Variants in RPRD1A observed in about 807,000 individuals in gnomAD.
RPRD1A encodes the protein regulation of nuclear pre-mRNA domain containing 1A.
Under a neutral mutation model 37.8 loss-of-function variants are expected in RPRD1A, and 9 were observed. The observed-to-expected ratio is 0.24, with a 90% confidence interval of 0.14 to 0.42. The LOEUF (loss-of-function observed/expected upper bound fraction) is 0.42, where lower values mean the gene tolerates loss of function less well. Ranked by LOEUF, RPRD1A falls within the 10% of genes least tolerant of loss-of-function variation. RPRD1A has a pLI of 1.00. For missense variants in RPRD1A, 255 were observed against 371.0 expected, an observed-to-expected ratio of 0.69 and a Z score of 2.57; for synonymous variants, 138 against 139.7, an observed-to-expected ratio of 0.99 and a Z score of 0.08.
At chr18:36,060,760 T>C (rs1024044786) in intron 1 of RPRD1A, among the ~76,000 whole-genome samples, 1 of 152,200 alleles carries the variant, frequency 6.6e-6, no homozygotes, top group Non-Finnish European at 1.5e-5. Flanking sequence ...GAAAAAGTGA[T>C]GATTTCAACA....
intron 2 of RPRD1A, among the ~76,000 whole-genome samples, chr18:36,032,413 G>A (rs1243026533): frequency 4.6e-5 from 7 of 152,180 alleles, no homozygotes. Flanking sequence ...GTAGACTATA[G>A]ACTGTGTGGA....
chr18:36,060,486 A>T (rs2088887338), intron 1 of RPRD1A, among the ~76,000 whole-genome samples: 3 of 152,210 alleles, frequency 2.0e-5, no homozygotes, highest in Admixed American at 2.0e-4. Flanking sequence ...TTCTAAAACC[A>T]AATTAATAAG....
chr18:36,063,720 G>A (rs1288539567), intron 1 of RPRD1A, among the ~76,000 whole-genome samples: 1 of 152,158 alleles, frequency 6.6e-6, no homozygotes, highest in Non-Finnish European at 1.5e-5. Context: ...TAAACTACAG[G>A]AGATGAGAAT....
At chr18:36,038,513 G>C (rs1272028943) in intron 1 of RPRD1A, among the ~76,000 whole-genome samples, 2 of 152,254 alleles carry the variant, frequency 1.3e-5, no homozygotes, top group East Asian at 3.8e-4. Context: ...CCAGGCAAAA[G>C]TCTGTTGCAG....
At chr18:36,012,343 G>A (rs891776624) in intron 6 of RPRD1A, among the ~76,000 whole-genome samples, 4 of 152,052 alleles carry the variant, frequency 2.6e-5, no homozygotes, top group African/African-American at 9.7e-5. Flanking sequence ...CTTCGTTACC[G>A]GTTTATGTAT....
chr18:36,025,783 A>T, intron 6 of RPRD1A: 1 of 407,012 alleles, frequency 2.5e-6, no homozygotes, highest in South Asian at 2.4e-5. Flanking sequence ...TAAAACAATT[A>T]ACACTATGTT....
At chr18:36,031,215 T>C (rs1911765760) in intron 2 of RPRD1A, 118 bp from the exon 3 acceptor site, 1 of 1,247,872 alleles carries the variant, frequency 8.0e-7, no homozygotes, top group Non-Finnish European at 1.1e-6. Context: ...GAAAAAACTG[T>C]CCAAATGTCT....
At chr18:36,048,348 G>A (rs779857372) in intron 1 of RPRD1A, among the ~76,000 whole-genome samples, 2 of 152,078 alleles carry the variant, frequency 1.3e-5, no homozygotes, top group Non-Finnish European at 2.9e-5. Flanking sequence ...TTACAGGCGT[G>A]AGCCACCGCA....
At chr18:35,996,083 A>T (rs922563500) in intron 6 of RPRD1A, among the ~76,000 whole-genome samples, 37 of 152,204 alleles carry the variant, frequency 2.4e-4, no homozygotes, top group Non-Finnish European at 1.5e-5. Context: ...GGTAAAAATT[A>T]AGAAAATCTG....
At chr18:36,025,255 T>C (rs1190051918) in intron 6 of RPRD1A, 2 of 176,684 alleles carry the variant, frequency 1.1e-5, no homozygotes, top group Non-Finnish European at 2.4e-5. Context: ...TGTGCCTCAG[T>C]TCTGTATCTA....
intron 1 of RPRD1A, among the ~76,000 whole-genome samples, chr18:36,060,227 C>A (rs980015236): frequency 2.0e-5 from 3 of 152,054 alleles, no homozygotes; most frequent in Non-Finnish European, 4.4e-5. Flanking sequence ...GTCAGGAGAT[C>A]GAGACCATCC....
intron 1 of RPRD1A, among the ~76,000 whole-genome samples, chr18:36,038,234 G>A (rs1015694809): frequency 1.8e-4 from 27 of 152,300 alleles, no homozygotes; most frequent in African/African-American, 4.3e-4. Flanking sequence ...CCCAGAGGCC[G>A]AGGAGGAAAA....
intron 4 of RPRD1A, chr18:36,028,263 T>G (rs992449840): frequency 6.6e-6 from 1 of 151,930 alleles, no homozygotes. Flanking sequence ...GGGTAGCACA[T>G]GACAAATGAT....
At chr18:36,059,086 CATCT>C (rs1325711090) in intron 1 of RPRD1A, among the ~76,000 whole-genome samples, 1 of 152,062 alleles carries the variant, frequency 6.6e-6, no homozygotes, top group Admixed American at 6.6e-5. Context: ...CCAACATATA[CATCT>C]ATCAAAACAT....
At chr18:35,998,618 C>T (rs1332834399) in intron 6 of RPRD1A, among the ~76,000 whole-genome samples, 1 of 152,156 alleles carries the variant, frequency 6.6e-6, no homozygotes, top group Non-Finnish European at 1.5e-5. Context: ...TCAGTTTCTG[C>T]AGTTCCAGCT....
At chr18:36,019,691 C>T (rs1465111977) in intron 6 of RPRD1A, among the ~76,000 whole-genome samples, 2 of 152,232 alleles carry the variant, frequency 1.3e-5, no homozygotes, top group African/African-American at 2.4e-5. Context: ...GCAATTTACA[C>T]AGGCAGAAAT....
At chr18:36,064,311 T>TG (rs2088976100) in intron 1 of RPRD1A, 1 of 152,498 alleles carries the variant, frequency 6.6e-6, no homozygotes, top group African/African-American at 2.4e-5. Flanking sequence ...CTGGGCTTGA[T>TG]GGGGGACGAG....
intron 6 of RPRD1A, among the ~76,000 whole-genome samples, chr18:36,007,614 T>C (rs1909827445): frequency 6.6e-6 from 1 of 151,960 alleles, no homozygotes; most frequent in Non-Finnish European, 1.5e-5. Flanking sequence ...ACCACCAAAA[T>C]CAACATCATA....
At chr18:36,029,379 G>A (rs1911602700) in intron 4 of RPRD1A, among the ~76,000 whole-genome samples, 4 of 152,144 alleles carry the variant, frequency 2.6e-5, no homozygotes, top group Admixed American at 2.6e-4. Context: ...TTGCCCTTGT[G>A]AGTTCCTGTG....
Sources: allele counts gnomAD v4.1 joint callset (sites outside exome capture counted in the v4.1 genomes callset), GRCh38; gene constraint gnomAD v4.1.1; transcripts MANE v1.5; gene names NCBI Gene and HGNC (gene_info 2026-07-23, HGNC 2026-07-21).